DRC9: variants seen among roughly 807,000 people sequenced by gnomAD.
DRC9 encodes the protein dynein regulatory complex protein 9.
chr3:197,916,426 T>G, the DRC9 span: 1 of 151,954 alleles, frequency 6.6e-6, no homozygotes, highest in African/African-American at 2.4e-5. Context: ...GGACTACAGG[T>G]GCATGACATC....
the DRC9 span, among the ~76,000 whole-genome samples, chr3:197,911,518 C>T: frequency 6.6e-6 from 1 of 151,606 alleles, no homozygotes; most frequent in African/African-American, 2.4e-5. Flanking sequence ...TTCAATGGAA[C>T]GTTAAACACA....
chr3:197,952,265 G>A, the DRC9 span, among the ~76,000 whole-genome samples: 3 of 146,370 alleles, frequency 2.0e-5, no homozygotes, highest in Non-Finnish European at 4.5e-5. Flanking sequence ...CGCCTCCCGG[G>A]TTCAAGGGAT....
the DRC9 span, chr3:197,954,388 C>T: frequency 1.1e-5 from 6 of 553,446 alleles, no homozygotes; most frequent in South Asian, 1.0e-4. Flanking sequence ...GGCTGGGGTG[C>T]AGTGGCATAA....
the DRC9 span, chr3:197,892,891 T>C: frequency 1.7e-6 from 2 of 1,144,154 alleles, no homozygotes; most frequent in East Asian, 2.4e-5. Context: ...AGTAGTTACT[T>C]ACCTGGGTGG....
At chr3:197,889,532 T>A in the DRC9 span, 1 of 1,611,248 alleles carries the variant, frequency 6.2e-7, no homozygotes, top group Admixed American at 1.7e-5. Context: ...TCTCTCCAAG[T>A]CCTTCCCACC....
the DRC9 span, among the ~76,000 whole-genome samples, chr3:197,920,908 A>G: frequency 6.6e-6 from 1 of 152,192 alleles, no homozygotes; most frequent in Admixed American, 6.5e-5. Context: ...TACCACCAAC[A>G]CTTTCATATA....
the DRC9 span, chr3:197,953,472 A>G: frequency 4.4e-6 from 2 of 456,680 alleles, no homozygotes; most frequent in South Asian, 3.1e-5. Flanking sequence ...GAGCTCCATA[A>G]TTCTCTTTAT....
At chr3:197,901,434 G>A in the DRC9 span, among the ~76,000 whole-genome samples, 4 of 152,294 alleles carry the variant, frequency 2.6e-5, no homozygotes, top group South Asian at 2.1e-4. The surrounding 1 kb of genome is among the most constrained non-coding windows in gnomAD (Gnocchi z 4.4). Context: ...CACCGCCCCC[G>A]GCCCAAGGCC....
chr3:197,897,937 A>ATTTTTTTTTTT, the DRC9 span, among the ~76,000 whole-genome samples: 1 of 133,076 alleles, frequency 7.5e-6, no homozygotes, highest in African/African-American at 2.9e-5. Context: ...CGCCCAGCTA[A>ATTTTTTTTTTT]TTTTTTTTTT....
the DRC9 span, chr3:197,953,388 T>C: frequency 2.9e-3 from 1,323 of 455,848 alleles, 22 homozygotes; most frequent in African/African-American, 0.024. Context: ...AAAGGAAATA[T>C]ATATAAAGTC....
chr3:197,944,690 C>T, the DRC9 span, among the ~76,000 whole-genome samples: 241 of 152,044 alleles, frequency 1.6e-3, no homozygotes, highest in African/African-American at 5.5e-3. Context: ...CCTCGTGATC[C>T]GCCCACCTCG....
At chr3:197,918,222 C>G in the DRC9 span, among the ~76,000 whole-genome samples, 1 of 147,188 alleles carries the variant, frequency 6.8e-6, no homozygotes, top group Admixed American at 6.9e-5. Context: ...CCTACATGTA[C>G]GTGCTACCAC....
the DRC9 span, chr3:197,938,812 T>C: frequency 6.7e-7 from 1 of 1,495,680 alleles, no homozygotes; most frequent in East Asian, 2.3e-5. Context: ...AGAAAGAATT[T>C]TTTTAAAGAG....
chr3:197,893,843 G>A, the DRC9 span, among the ~76,000 whole-genome samples: 7 of 151,684 alleles, frequency 4.6e-5, no homozygotes, highest in Admixed American at 3.3e-4. Flanking sequence ...GTGAGACTCC[G>A]TCTCAAAAAA....
At chr3:197,915,918 C>T in the DRC9 span, among the ~76,000 whole-genome samples, 1 of 151,824 alleles carries the variant, frequency 6.6e-6, no homozygotes, top group Non-Finnish European at 1.5e-5. Flanking sequence ...CGTGAGCCAC[C>T]ACGCCTGGCC....
chr3:197,904,804 G>A, the DRC9 span, among the ~76,000 whole-genome samples: 1 of 152,126 alleles, frequency 6.6e-6, no homozygotes, highest in Non-Finnish European at 1.5e-5. Context: ...AGATTGCAGT[G>A]AGCCAAGATT....
At chr3:197,912,605 CTTTT>C in the DRC9 span, 2 of 1,067,846 alleles carry the variant, frequency 1.9e-6, no homozygotes, top group South Asian at 1.3e-5. Context: ...TCAAAATATT[CTTTT>C]TGTTTCCTCA....
chr3:197,932,563 A>G, the DRC9 span, among the ~76,000 whole-genome samples: 2 of 151,774 alleles, frequency 1.3e-5, no homozygotes, highest in South Asian at 4.2e-4. Context: ...GGAACCCGGG[A>G]GGTGGAGGTT....
chr3:197,954,515 G>C, the DRC9 span: 1 of 335,760 alleles, frequency 3.0e-6, no homozygotes, highest in South Asian at 2.5e-5. Context: ...TGGGGTTTTT[G>C]TTGTGTTTTT....
Sources: allele counts gnomAD v4.1 joint callset (sites outside exome capture counted in the v4.1 genomes callset), GRCh38; gene constraint gnomAD v4.1.1; non-coding constraint Gnocchi (gnomAD v3.1); transcripts MANE v1.5; gene names NCBI Gene and HGNC (gene_info 2026-07-23, HGNC 2026-07-21).